CNNM2: variants seen among roughly 807,000 people sequenced by gnomAD.
CNNM2 encodes the protein cyclin and CBS domain divalent metal cation transport mediator 2, also known as metal transporter CNNM2.
In CNNM2, 12 loss-of-function variants were observed where a neutral mutation model predicts 66.9. That is an observed-to-expected ratio of 0.18 (90% CI 0.11 to 0.29). The LOEUF is 0.29. CNNM2 is among the 10% of genes least tolerant of loss of function. The pLI is 1.00. For synonymous variants in CNNM2, 557 were observed against 501.8 expected (o/e 1.11, Z -1.47); for missense variants, 705 against 1,167.7 (o/e 0.60, Z 5.77).
intron 1 of CNNM2, among the ~76,000 whole-genome samples, chr10:103,019,609 G>A (rs1459929045): frequency 1.3e-5 from 2 of 152,176 alleles, no homozygotes; most frequent in African/African-American, 2.4e-5. Flanking sequence ...TGATGGAGGC[G>A]TCTCACCATG....
At chr10:102,943,180 G>A (rs184884815) in intron 1 of CNNM2, among the ~76,000 whole-genome samples, 1 of 152,118 alleles carries the variant, frequency 6.6e-6, no homozygotes, top group East Asian at 1.9e-4. Flanking sequence ...AGCTGAGATC[G>A]TGCCACTGCA....
At chr10:102,956,654 G>A (rs899825855) in intron 1 of CNNM2, among the ~76,000 whole-genome samples, 3 of 152,178 alleles carry the variant, frequency 2.0e-5, no homozygotes, top group Non-Finnish European at 4.4e-5. Context: ...AAAAGGATGA[G>A]TGCATGTCCT....
At chr10:103,076,618 G>A (rs1185094037) in intron 7 of CNNM2, among the ~76,000 whole-genome samples, 8 of 152,224 alleles carry the variant, frequency 5.3e-5, no homozygotes, top group Non-Finnish European at 1.0e-4. Context: ...CAGGAGACTT[G>A]GAGGGTTGCG....
rs890579375 is a variant in CNNM2 at position 103,064,219 on chromosome 10, G to A, written c.2074-4410G>A. Among the ~76,000 whole-genome samples the A allele has an allele frequency of 5.3e-5, 8 of 152,310 alleles. No homozygotes were observed. In the South Asian group the frequency reaches 6.2e-4, roughly 12 times the overall value. The stretch of plus-strand genomic sequence containing the variant: ...CTAAGTGCTGAGATATTTTAACAAA[G>A]TTTTTGCCAGTTTGAGGCAGAATGA... On this transcript the variant is annotated intron_variant, in intron 4 of 7. Transcript: ENST00000369878.
intron 1 of CNNM2, among the ~76,000 whole-genome samples, chr10:102,923,667 TAAC>T (rs1222802640): frequency 6.6e-6 from 1 of 152,216 alleles, no homozygotes; most frequent in Non-Finnish European, 1.5e-5. Flanking sequence ...GTGTTGTGCA[TAAC>T]AACTGGTGTC....
chr10:103,077,281 G>A lies in CNNM2; in HGVS notation c.*101G>A, dbSNP rs2065708156. 1 of 1,063,772 alleles carries A rather than the reference G, an allele frequency of 9.4e-7. No individual in the cohort carries two copies. The highest frequency in any genetic ancestry group is 1.4e-6 in the Non-Finnish European group (1 of 724,464). The allele number at this position is 1,063,772 out of a possible 1,614,324, so 65.9% of individuals were successfully genotyped here. On this transcript the variant is annotated 3_prime_UTR_variant, in exon 8 of 8. Transcript: ENST00000369878. Reference sequence around the variant, plus strand: ...CTGGTGTGAGCTTGTCCGCCATGCTGTACCCTGCAACATCCTGAGACCAAA... The same window carrying A: ...CTGGTGTGAGCTTGTCCGCCATGCTATACCCTGCAACATCCTGAGACCAAA...
chr10:102,968,022 C>G (rs2063491776), intron 1 of CNNM2, among the ~76,000 whole-genome samples: 1 of 152,164 alleles, frequency 6.6e-6, no homozygotes, highest in African/African-American at 2.4e-5. Flanking sequence ...TAATAATTCC[C>G]TGTGGGCACT....
chr10:103,046,406 C>G (rs573468131), intron 1 of CNNM2, among the ~76,000 whole-genome samples: 2 of 152,280 alleles, frequency 1.3e-5, no homozygotes, highest in East Asian at 3.9e-4. Flanking sequence ...TTCTACTGCT[C>G]AAGGTCATCA....
chr10:103,089,692 C>G lies in CNNM2; in HGVS notation c.*12512C>G. ...CCTCCTTATTCTTCCTCCTCCTCCT[C>G]CTCTTCATCATCATCTTCGTCATGG... On this transcript the variant is annotated 3_prime_UTR_variant, in exon 8 of 8. Coordinates refer to ENST00000369878, the MANE Select transcript of CNNM2 (RefSeq NM_017649.5). 6.2e-7 allele frequency: 1 copy of G among 1,608,920 alleles called. No individual in the cohort carries two copies. The highest frequency in any genetic ancestry group is 8.5e-7 in the Non-Finnish European group (1 of 1,177,398).
intron 1 of CNNM2, among the ~76,000 whole-genome samples, chr10:102,936,517 CTT>C (rs34398870): frequency 2.3e-3 from 281 of 123,716 alleles, no homozygotes; most frequent in Admixed American, 3.1e-3. Flanking sequence ...AAACTCTTTG[CTT>C]TTTTTTTTTT....
At position 103,015,103 on chromosome 10, in the gene CNNM2, G is replaced by T. The variant is rs117004564; in HGVS notation, c.1622-34604G>T. On this transcript the variant is annotated intron_variant, in intron 1 of 7. Coordinates refer to ENST00000369878, the MANE Select transcript of CNNM2 (RefSeq NM_017649.5). ...TGAGTGTAATGGTTACAAAAATGAT[G>T]ATTACACTTGCTTAAATACAACTTA... 1.1e-3 allele frequency among the ~76,000 whole-genome samples: 167 copies of T among 152,240 alleles called. 3 individuals carry two copies. In the East Asian group the frequency reaches 0.031, roughly 29 times the overall value.
chr10:102,918,463 A>C lies in CNNM2; in HGVS notation c.-18A>C. The C allele has an allele frequency of 1.3e-6, 2 of 1,599,538 alleles. No individual in the cohort carries two copies. The highest frequency in any genetic ancestry group is 2.3e-5 in the East Asian group (1 of 44,268). On this transcript the variant is annotated 5_prime_UTR_variant, in exon 1 of 8. Coordinates refer to ENST00000369878, the MANE Select transcript of CNNM2 (RefSeq NM_017649.5). This position sits in a 1 kb window ranked among gnomAD's most constrained non-coding sequence, Gnocchi z 4.1. ...CGCCGGGTTGAAAGGATGAAGCCGC[A>C]GCTGGAGCAGCCACCCTATGATTGG...
chr10:102,992,160 A>G (rs2063910116), intron 1 of CNNM2, among the ~76,000 whole-genome samples: 1 of 152,160 alleles, frequency 6.6e-6, no homozygotes, highest in South Asian at 2.1e-4. Context: ...CAGGAATCAC[A>G]TACTTTGACA....
chr10:102,981,402 T>G (rs1215437963), intron 1 of CNNM2, among the ~76,000 whole-genome samples: 2 of 151,900 alleles, frequency 1.3e-5, no homozygotes, highest in African/African-American at 4.8e-5. Flanking sequence ...TATATTAAAT[T>G]TTTTACCTCT....
chr10:103,009,872 A>T (rs138540549), intron 1 of CNNM2, among the ~76,000 whole-genome samples: 4 of 152,018 alleles, frequency 2.6e-5, no homozygotes, highest in African/African-American at 4.8e-5. Context: ...AGGTATTTAT[A>T]TTAGTACAGC....
At chr10:102,946,621 C>A (rs187703813) in intron 1 of CNNM2, among the ~76,000 whole-genome samples, 4 of 152,200 alleles carry the variant, frequency 2.6e-5, no homozygotes, top group Admixed American at 2.6e-4. Context: ...AGCCCAAATT[C>A]TTCACTCCTA....
At chr10:102,924,860 G>C (rs1027440989) in intron 1 of CNNM2, among the ~76,000 whole-genome samples, 7 of 152,034 alleles carry the variant, frequency 4.6e-5, no homozygotes, top group African/African-American at 1.7e-4. Flanking sequence ...TTATTTTTGT[G>C]CAGTAACATA....
intron 1 of CNNM2, among the ~76,000 whole-genome samples, chr10:102,981,389 T>TC (rs2063717673): frequency 6.6e-6 from 1 of 151,824 alleles, no homozygotes; most frequent in Admixed American, 6.6e-5. Context: ...TCCTCTTTTT[T>TC]CCTATATTAA....
chr10:103,059,534 T>TA (rs1464009362), intron 4 of CNNM2, among the ~76,000 whole-genome samples: 1 of 152,112 alleles, frequency 6.6e-6, no homozygotes, highest in African/African-American at 2.4e-5. Context: ...TACATATGCA[T>TA]AAAAAAGCCA....
Sources: gnomAD v4.1 joint callset for allele counts (sites outside exome capture counted in the v4.1 genomes callset) on GRCh38, gnomAD v4.1.1 for gene constraint, Gnocchi (gnomAD v3.1) non-coding constraint, MANE v1.5 for transcripts, NCBI Gene and HGNC (gene_info 2026-07-23, HGNC 2026-07-21) for gene names.